Variants in FNBP1 observed in about 807,000 individuals in gnomAD.
The protein encoded by FNBP1 is formin-binding protein 1.
FNBP1 carries 26 observed loss-of-function variants against 90.6 expected under a neutral mutation model. The ratio of observed to expected loss-of-function variants is 0.29; its 90% CI spans 0.21 to 0.40. The LOEUF (loss-of-function observed/expected upper bound fraction) is 0.40. Among genes scored for constraint, FNBP1 ranks in the 10% least tolerant of loss-of-function variants. The probability of loss-of-function intolerance (pLI) is 1.00; values close to 1 mark genes in which losing one functional copy is unlikely to be tolerated. For missense variants in FNBP1, 635 were observed against 768.0 expected, an observed-to-expected ratio of 0.83 and a Z score of 2.05; for synonymous variants, 260 against 265.2, an observed-to-expected ratio of 0.98 and a Z score of 0.19.
rs547503457 is a variant in FNBP1 at position 129,992,245 on chromosome 9, A to G, written c.140+2598T>C. Among the ~76,000 whole-genome samples, 53 of 152,302 alleles carry G rather than the reference A, an allele frequency of 3.5e-4. 1 individual carries two copies. In the South Asian group the frequency reaches 0.011, roughly 31 times the overall value. On this transcript the variant is annotated intron_variant, in intron 2 of 16. Transcript: ENST00000446176. ...CCGCTTGAGAGCTCGCACGTAGCCC[A>G]TTTTCACATGAAAGACAACATTGCA...
chr9:130,046,597 A>C (rs1376125802), upstream of FNBP1, among the ~76,000 whole-genome samples: 37 of 149,746 alleles, frequency 2.5e-4, 1 homozygote, highest in African/African-American at 8.4e-4. Context: ...AAAAAAAAAA[A>C]AAAAAAACAC....
chr9:130,043,525 C>T (rs1361429591), upstream of FNBP1, among the ~76,000 whole-genome samples: 1 of 152,278 alleles, frequency 6.6e-6, no homozygotes, highest in African/African-American at 2.4e-5. Flanking sequence ...AGATCGCTCC[C>T]CTGCGCGTAT....
intron 2 of FNBP1, among the ~76,000 whole-genome samples, chr9:129,980,739 A>G (rs1182619678): frequency 6.6e-6 from 1 of 150,564 alleles, no homozygotes; most frequent in African/African-American, 2.4e-5. Context: ...TCCTGACTTT[A>G]GGTGACTATA....
At chr9:129,931,346 G>A (rs910721907) in intron 6 of FNBP1, among the ~76,000 whole-genome samples, 1 of 152,106 alleles carries the variant, frequency 6.6e-6, no homozygotes, top group Non-Finnish European at 1.5e-5. Context: ...GCTCACGCCT[G>A]TAATCCTAAC....
At chr9:129,970,594 G>T (rs1338266445) in intron 4 of FNBP1, among the ~76,000 whole-genome samples, 2 of 152,180 alleles carry the variant, frequency 1.3e-5, no homozygotes, top group African/African-American at 4.8e-5. Flanking sequence ...GGGATTGTGA[G>T]ATTTTGTCCT....
At chr9:129,958,410 C>T (rs1340660498) in intron 5 of FNBP1, 81 bp downstream of exon 5, 2 of 1,091,106 alleles carry the variant, frequency 1.8e-6, no homozygotes, top group East Asian at 2.6e-5. Flanking sequence ...CCAACCTGGG[C>T]AACAGAGGGA....
chr9:129,904,723 G>C (rs887903241), intron 12 of FNBP1, among the ~76,000 whole-genome samples: 1 of 151,488 alleles, frequency 6.6e-6, no homozygotes, highest in Non-Finnish European at 1.5e-5. Context: ...TTTCCTTCCT[G>C]CCTTCTTTCC....
chr9:130,010,366 TAGC>T (rs1475240366), intron 1 of FNBP1, among the ~76,000 whole-genome samples: 1 of 152,164 alleles, frequency 6.6e-6, no homozygotes, highest in Non-Finnish European at 1.5e-5. Flanking sequence ...TAACCAGATG[TAGC>T]AGATATCTAC....
intron 16 of FNBP1, chr9:129,895,435 A>C: frequency 9.0e-7 from 1 of 1,111,496 alleles, no homozygotes; most frequent in Non-Finnish European, 1.1e-6. Flanking sequence ...TGGATACTAG[A>C]TATAAACAAG....
chr9:129,992,702 C>A (rs920167353), intron 2 of FNBP1, among the ~76,000 whole-genome samples: 1 of 150,746 alleles, frequency 6.6e-6, no homozygotes, highest in African/African-American at 2.4e-5. Flanking sequence ...TACAGGCACC[C>A]GCCACCATGC....
At position 129,890,740 on chromosome 9, in the gene FNBP1, GTT is replaced by G. The variant is rs1564240515; in HGVS notation, c.1847-196_1847-195del. On this transcript the variant is annotated intron_variant, in intron 16 of 16. Coordinates refer to ENST00000446176, the MANE Select transcript of FNBP1 (RefSeq NM_015033.3). The surrounding 1 kb of genome is among the most constrained non-coding windows in gnomAD (Gnocchi z 5.8). ...GGGTCTGAGATGAGGAACTTTCACG[GTT>G]TTCTCTCTAGCCTTTAGCTGGTCTT... 6.6e-6 allele frequency among the ~76,000 whole-genome samples: 1 copy of G among 152,158 alleles called. No homozygotes were observed. Among genetic ancestry groups the G allele is most frequent in the Admixed American group, 6.5e-5 (1 of 15,272 alleles).
rs1226735948 is a variant in FNBP1, at chr9:129,960,398, AAAAAAG to A, written c.346-1851_346-1846del. 8.5e-3 allele frequency among the ~76,000 whole-genome samples: 1,122 copies of A among 132,136 alleles called. 10 individuals carry two copies. The highest frequency in any genetic ancestry group is 0.016 in the Middle Eastern group (4 of 246). 86.7% of individuals were successfully genotyped at this position (132,136 alleles called of 152,430 possible). A position where few individuals can be genotyped will look rare whatever the true frequency, so the allele number is the denominator to read the frequency against. ...GACTCCATCTCAAAAAAAAAAAAAA[AAAAAAG>A]AAAAAGAAAAAGAAAAAGAAAAAGA... On this transcript the variant is annotated intron_variant, in intron 4 of 16. Coordinates refer to ENST00000446176, the MANE Select transcript of FNBP1 (RefSeq NM_015033.3).
At chr9:130,013,019 C>T (rs2056820037) in intron 1 of FNBP1, among the ~76,000 whole-genome samples, 1 of 151,978 alleles carries the variant, frequency 6.6e-6, no homozygotes, top group African/African-American at 2.4e-5. Flanking sequence ...TAAAAAATTC[C>T]GTTCACGAAA....
At chr9:129,944,028 A>G (rs1395258398) in intron 6 of FNBP1, among the ~76,000 whole-genome samples, 1 of 140,862 alleles carries the variant, frequency 7.1e-6, no homozygotes, top group African/African-American at 2.6e-5. Context: ...CGTTCTGATG[A>G]TCTTCACACA....
At chr9:130,024,730 T>C (rs1422106801) in intron 1 of FNBP1, among the ~76,000 whole-genome samples, 2 of 152,196 alleles carry the variant, frequency 1.3e-5, no homozygotes, top group Admixed American at 1.3e-4. Flanking sequence ...ATCATCCTGT[T>C]TTTCATTTCC....
chr9:129,993,619 A>G (rs2053545652), intron 2 of FNBP1, among the ~76,000 whole-genome samples: 1 of 114,752 alleles, frequency 8.7e-6, no homozygotes, highest in Non-Finnish European at 1.7e-5. Context: ...CCTGGCCCCA[A>G]AGCACTTTTT....
intron 1 of FNBP1, among the ~76,000 whole-genome samples, chr9:129,998,149 T>C (rs1238389993): frequency 2.3e-5 from 3 of 132,386 alleles, no homozygotes; most frequent in South Asian, 2.4e-4. Context: ...TGAGCCGAGA[T>C]TGTACCACTG....
intron 7 of FNBP1, 43 bp downstream of exon 7, chr9:129,929,524 G>A (rs2042409650): frequency 1.3e-6 from 2 of 1,593,778 alleles, no homozygotes; most frequent in Admixed American, 1.7e-5. Flanking sequence ...TCTAAGGAAA[G>A]CAAAGCATAA....
intron 10 of FNBP1, among the ~76,000 whole-genome samples, chr9:129,923,307 G>A (rs1330757169): frequency 1.3e-5 from 2 of 152,012 alleles, no homozygotes; most frequent in Non-Finnish European, 2.9e-5. Context: ...AAGGCCGGGC[G>A]CAGTGGCTCA....
Sources: gnomAD v4.1 joint callset for allele counts (sites outside exome capture counted in the v4.1 genomes callset) on GRCh38, gnomAD v4.1.1 for gene constraint, Gnocchi (gnomAD v3.1) non-coding constraint, MANE v1.5 for transcripts, NCBI Gene and HGNC (gene_info 2026-07-23, HGNC 2026-07-21) for gene names.